MEOX2: variants seen among roughly 807,000 people sequenced by gnomAD.
MEOX2 encodes homeobox protein MOX-2.
In MEOX2, 11 loss-of-function variants were observed where a neutral mutation model predicts 27.0. The ratio of observed to expected loss-of-function variants is 0.41; its 90% confidence interval spans 0.26 to 0.68. The LOEUF (loss-of-function observed/expected upper bound fraction) is 0.68, where lower values mean the gene tolerates loss of function less well. Ranked by LOEUF, MEOX2 falls within the 30% of genes least tolerant of loss-of-function variation. The pLI, the probability that MEOX2 is intolerant of heterozygous loss-of-function variation, is 0.33. For missense variants in MEOX2, 436 were observed against 385.4 expected, an observed-to-expected ratio of 1.13 and a Z score of -1.10; for synonymous variants, 189 against 155.4, an observed-to-expected ratio of 1.22 and a Z score of -1.61.
At chr7:15,661,325 C>A (rs181819074) in intron 1 of MEOX2, among the ~76,000 whole-genome samples, 1 of 152,084 alleles carries the variant, frequency 6.6e-6, no homozygotes, top group Non-Finnish European at 1.5e-5. Flanking sequence ...TTTTTCTTAG[C>A]GCTAAGCTAA....
At chr7:15,659,751 C>G (rs1309213807) in intron 1 of MEOX2, among the ~76,000 whole-genome samples, 2 of 114,766 alleles carry the variant, frequency 1.7e-5, no homozygotes, top group Admixed American at 1.1e-4. Flanking sequence ...CAGAGCGAGA[C>G]TGCTCTCAAA....
chr7:15,619,673 C>T (rs940118925), intron 2 of MEOX2, among the ~76,000 whole-genome samples: 1 of 151,798 alleles, frequency 6.6e-6, no homozygotes, highest in Non-Finnish European at 1.5e-5. Context: ...TAGATAGATA[C>T]ATCTCCTTAC....
chr7:15,645,687 T>C (rs942991266), intron 1 of MEOX2, among the ~76,000 whole-genome samples: 3 of 152,130 alleles, frequency 2.0e-5, no homozygotes, highest in Non-Finnish European at 4.4e-5. Flanking sequence ...AAGAAGCATT[T>C]CTCAAGTGGT....
intron 1 of MEOX2, among the ~76,000 whole-genome samples, chr7:15,672,850 C>T (rs1012968280): frequency 6.6e-6 from 1 of 151,450 alleles, no homozygotes; most frequent in African/African-American, 2.4e-5. Context: ...CGAGATCGTG[C>T]CACCGCACTC....
intron 1 of MEOX2, among the ~76,000 whole-genome samples, chr7:15,659,230 T>A (rs1301286191): frequency 6.6e-6 from 1 of 152,182 alleles, no homozygotes; most frequent in Non-Finnish European, 1.5e-5. Context: ...CTTTAATATA[T>A]AACTTATTTA....
At chr7:15,675,503 C>A (rs1293583109) in intron 1 of MEOX2, among the ~76,000 whole-genome samples, 1 of 152,068 alleles carries the variant, frequency 6.6e-6, no homozygotes, top group African/African-American at 2.4e-5. Context: ...AAATATTTTA[C>A]GAGATTTTCC....
intron 2 of MEOX2, among the ~76,000 whole-genome samples, chr7:15,618,214 T>A (rs778274209): frequency 6.6e-6 from 1 of 152,074 alleles, no homozygotes; most frequent in Non-Finnish European, 1.5e-5. Flanking sequence ...AATTCACTAT[T>A]CTTAATCCCA....
intron 1 of MEOX2, among the ~76,000 whole-genome samples, chr7:15,672,891 TGA>T (rs762642496): frequency 3.0e-5 from 4 of 133,080 alleles, no homozygotes; most frequent in Non-Finnish European, 6.7e-5. Context: ...GATTCTGTCT[TGA>T]AAAAAAAAAA....
At chr7:15,650,590 A>T (rs1434684780) in intron 1 of MEOX2, among the ~76,000 whole-genome samples, 1 of 152,160 alleles carries the variant, frequency 6.6e-6, no homozygotes. Context: ...AATGCTTCCT[A>T]TGTGCCAGTA....
At chr7:15,679,401 A>G (rs1292895071) in intron 1 of MEOX2, 4 of 152,132 alleles carry the variant, frequency 2.6e-5, no homozygotes, top group African/African-American at 9.7e-5. Flanking sequence ...ATTTTAATCA[A>G]TGTAGCCTAT....
chr7:15,685,911 G>A lies in MEOX2; in HGVS notation c.492C>T (p.Gly164=), dbSNP rs147797539. 1.0e-4 allele frequency: 160 copies of A among 1,606,746 alleles called. No homozygotes were observed. The African/African-American group carries it at 1.8e-3, about 18-fold the overall frequency. Residue 164 remains glycine (G), a synonymous_variant, in exon 1 of 3, where the codon GGC becomes GGT. Transcript: ENST00000262041. ...CTGAGCTGTCGCTTTTCCTCTTGCC[G>A]CCGCTTCGCTTCTCCGCCTCCGCAG... is the stretch of plus-strand genomic sequence containing the variant. ...LSPAEAEKRS[G]GKRKSDSSDS... is the part of the protein sequence containing the mutation.
At chr7:15,683,324 T>C (rs185532881) in intron 1 of MEOX2, among the ~76,000 whole-genome samples, 35 of 152,140 alleles carry the variant, frequency 2.3e-4, no homozygotes, top group Admixed American at 2.2e-3. Flanking sequence ...CAACCATAAA[T>C]GCAAAGTAAT....
intron 2 of MEOX2, among the ~76,000 whole-genome samples, chr7:15,622,290 T>C (rs967488533): frequency 2.0e-4 from 31 of 152,286 alleles, no homozygotes; most frequent in African/African-American, 7.5e-4. Flanking sequence ...TATGTGTGTG[T>C]ATGTGTTTGC....
chr7:15,635,994 T>A (rs1781473950), intron 1 of MEOX2, among the ~76,000 whole-genome samples: 1 of 152,014 alleles, frequency 6.6e-6, no homozygotes, highest in Admixed American at 6.6e-5. Context: ...TCAGATAGTG[T>A]GCTTGTGTTT....
chr7:15,674,725 T>C lies in MEOX2; in HGVS notation c.517+11161A>G, dbSNP rs557079106. Reference sequence around the variant, plus strand: ...TGAAATAGACAAGAATGGTCAATGTTAGACTGCTCCAGAGGTTACACAGTT... The same window carrying C: ...TGAAATAGACAAGAATGGTCAATGTCAGACTGCTCCAGAGGTTACACAGTT... On this transcript the variant is annotated intron_variant, in intron 1 of 2. Transcript: ENST00000262041. Among the ~76,000 whole-genome samples the C allele has an allele frequency of 5.3e-5, 8 of 152,290 alleles. No individual in the cohort carries two copies. The South Asian group carries it at 1.7e-3, about 32-fold the overall frequency.
At chr7:15,630,402 G>T (rs903899989) in intron 1 of MEOX2, among the ~76,000 whole-genome samples, 2 of 152,034 alleles carry the variant, frequency 1.3e-5, no homozygotes, top group African/African-American at 2.4e-5. Flanking sequence ...GGAGGGCTTG[G>T]TCTGTTCACT....
chr7:15,641,403 T>C (rs1466451191), intron 1 of MEOX2, among the ~76,000 whole-genome samples: 1 of 152,136 alleles, frequency 6.6e-6, no homozygotes, highest in Non-Finnish European at 1.5e-5. Context: ...TGTTGTTGGT[T>C]TGAAGTCTGT....
At chr7:15,685,661 A>G (rs73290124) in intron 1 of MEOX2, among the ~76,000 whole-genome samples, 4,815 of 152,240 alleles carry the variant, frequency 0.032, 253 homozygotes, top group African/African-American at 0.11. Context: ...AGGACTTTGG[A>G]GGGCTTAGAG....
At position 15,612,224 on chromosome 7, in the gene MEOX2, TTG is replaced by T. The variant is rs1781044009; in HGVS notation, c.*161_*162del. ...TGGAAGCTCTTTAATAAGTGGCACT[TTG>T]TGTAAACCCTCTATAAATCATGAAA... On this transcript the variant is annotated 3_prime_UTR_variant, in exon 3 of 3. Coordinates refer to ENST00000262041, the MANE Select transcript of MEOX2 (RefSeq NM_005924.5). 1 of 633,284 alleles carries T rather than the reference TTG, an allele frequency of 1.6e-6. No homozygotes were observed. Among genetic ancestry groups the T allele is most frequent in the Non-Finnish European group, 2.7e-6 (1 of 366,740 alleles). The allele number at this position is 633,284 out of a possible 1,614,324, so 39.2% of individuals were successfully genotyped here.
Sources: allele counts gnomAD v4.1 joint callset (sites outside exome capture counted in the v4.1 genomes callset), GRCh38; gene constraint gnomAD v4.1.1; transcripts MANE v1.5; gene names NCBI Gene and HGNC (gene_info 2026-07-23, HGNC 2026-07-21).